Variants in NAV2 observed in about 807,000 individuals in gnomAD.
NAV2 encodes helicase, APC down-regulated 1.
A neutral mutation model predicts 223.2 loss-of-function variants in NAV2; 54 were observed. That is an observed-to-expected ratio of 0.24 (90% CI 0.19 to 0.30). The LOEUF (loss-of-function observed/expected upper bound fraction) is 0.30, where lower values mean the gene tolerates loss of function less well. NAV2 is among the 10% of genes least tolerant of loss of function. NAV2 has a pLI of 1.00. For synonymous variants in NAV2, 1,279 were observed against 1,239.3 expected, an observed-to-expected ratio of 1.03 and a Z score of -0.67; for missense variants, 2,806 against 3,147.5, an observed-to-expected ratio of 0.89 and a Z score of 2.60.
At chr11:19,520,848 G>A (rs1208478327) in intron 1 of NAV2, among the ~76,000 whole-genome samples, 2 of 152,176 alleles carry the variant, frequency 1.3e-5, no homozygotes, top group East Asian at 1.9e-4. Context: ...CAGGGGCGTG[G>A]GCCTTGGGAG....
chr11:19,713,400 C>A lies in NAV2; in HGVS notation c.-296C>A, dbSNP rs2050003327. ...TTTGCAAGAGGCGGCAGCCCCTGAG[C>A]GCCCAGAGCTCTTGAAAGGCCACCC... On this transcript the variant is annotated 5_prime_UTR_variant, in exon 1 of 38. Transcript: ENST00000349880. The surrounding 1 kb of genome is among the most constrained non-coding windows in gnomAD (Gnocchi z 7.2). 1 of 1,209,284 alleles carries A rather than the reference C, an allele frequency of 8.3e-7. No homozygotes were observed. The highest frequency in any genetic ancestry group is 3.4e-5 in the East Asian group (1 of 29,184). 74.9% of individuals were successfully genotyped at this position (1,209,284 alleles called of 1,614,324 possible).
intron 29 of NAV2, among the ~76,000 whole-genome samples, chr11:20,095,055 CAT>C (rs1191033989): frequency 5.9e-5 from 9 of 152,088 alleles, no homozygotes; most frequent in Admixed American, 2.6e-4. Flanking sequence ...CTGAGTTGCA[CAT>C]GTTTTAAGTT....
intron 17 of NAV2, among the ~76,000 whole-genome samples, chr11:20,053,271 G>A (rs1253147734): frequency 6.7e-6 from 1 of 150,332 alleles, no homozygotes; most frequent in Non-Finnish European, 1.5e-5. Flanking sequence ...GCTACTTATG[G>A]GCATAATGAA....
rs181112118 is a variant in NAV2, at chr11:19,583,720, G to T, written c.75+232693G>T. 7.2e-3 allele frequency among the ~76,000 whole-genome samples: 1,093 copies of T among 152,338 alleles called. 5 individuals carry two copies. The highest frequency in any genetic ancestry group is 0.011 in the Non-Finnish European group (767 of 68,030). The stretch of plus-strand genomic sequence containing the variant: ...TGTGGAACCAGCCTTGCATCCCAGG[G>T]ATGAAGCCCACTTGATCGTGGTGGA... On this transcript the variant is annotated intron_variant, in intron 1 of 37. Coordinates refer to the NAV2 transcript ENST00000360655.
chr11:19,753,908 A>T (rs2054037134), intron 1 of NAV2, among the ~76,000 whole-genome samples: 1 of 152,186 alleles, frequency 6.6e-6, no homozygotes, highest in Non-Finnish European at 1.5e-5. Context: ...ATTTGCTCAG[A>T]GGGAGGGTGG....
intron 1 of NAV2, among the ~76,000 whole-genome samples, chr11:19,723,973 T>C (rs1300692926): frequency 2.0e-5 from 3 of 152,198 alleles, no homozygotes; most frequent in Non-Finnish European, 4.4e-5. Flanking sequence ...AGACAAGCCT[T>C]GAAGGAAAAA....
At chr11:19,647,870 G>T (rs889246979) in intron 1 of NAV2, among the ~76,000 whole-genome samples, 1 of 152,170 alleles carries the variant, frequency 6.6e-6, no homozygotes, top group Non-Finnish European at 1.5e-5. Flanking sequence ...AGCTCCTATT[G>T]TATGCCAGGT....
intron 1 of NAV2, among the ~76,000 whole-genome samples, chr11:19,767,996 TTTACC>T (rs2055363665): frequency 1.3e-5 from 2 of 152,338 alleles, no homozygotes; most frequent in South Asian, 4.1e-4. Context: ...GAGCCTGATG[TTTACC>T]AGCTCTAAGA....
At chr11:20,076,667 G>A (rs1161828451) in intron 22 of NAV2, among the ~76,000 whole-genome samples, 1 of 152,204 alleles carries the variant, frequency 6.6e-6, no homozygotes, top group Non-Finnish European at 1.5e-5. Context: ...AAAGCTTAGT[G>A]TTAGGGCACA....
chr11:19,889,939 G>A (rs1038106852), intron 5 of NAV2, among the ~76,000 whole-genome samples: 4 of 152,174 alleles, frequency 2.6e-5, no homozygotes, highest in African/African-American at 9.7e-5. Flanking sequence ...AGTTCTCTCT[G>A]ATACTTTAAC....
intron 1 of NAV2, among the ~76,000 whole-genome samples, chr11:19,456,161 G>A (rs1463273462): frequency 6.6e-6 from 1 of 152,194 alleles, no homozygotes; most frequent in Non-Finnish European, 1.5e-5. Context: ...ATAACCGGAA[G>A]CCCCTGATTT....
At chr11:19,447,478 C>T (rs1475899726) in intron 1 of NAV2, among the ~76,000 whole-genome samples, 1 of 152,188 alleles carries the variant, frequency 6.6e-6, no homozygotes, top group Non-Finnish European at 1.5e-5. Flanking sequence ...ACGTGCTTAA[C>T]CTCAGCTTCC....
intron 7 of NAV2, 97 bp downstream of exon 7, chr11:19,934,374 C>A: frequency 7.3e-7 from 1 of 1,365,986 alleles, no homozygotes; most frequent in Non-Finnish European, 9.6e-7. Context: ...AGACTGTGCT[C>A]CAGGAATACT....
chr11:19,581,274 C>T (rs774602685), intron 1 of NAV2, among the ~76,000 whole-genome samples: 1 of 152,182 alleles, frequency 6.6e-6, no homozygotes, highest in Non-Finnish European at 1.5e-5. Context: ...ATGGCGTTGA[C>T]TTATCAATCT....
intron 6 of NAV2, among the ~76,000 whole-genome samples, chr11:19,894,112 G>A (rs1685459287): frequency 6.6e-6 from 1 of 152,152 alleles, no homozygotes; most frequent in Non-Finnish European, 1.5e-5. Flanking sequence ...AACTTTATGA[G>A]TACCTACCAT....
chr11:19,713,700 CG>C lies in NAV2; in HGVS notation c.7del (p.Ala3ProfsTer8). 1 of 1,562,080 alleles carries C rather than the reference CG, an allele frequency of 6.4e-7. No individual in the cohort carries two copies. The highest frequency in any genetic ancestry group is 8.7e-7 in the Non-Finnish European group (1 of 1,150,566). ...AAGCCCAAGCCCCGGGAGAAGATGCCGGCCATCCTGGTCGCCTCCAAAATGA... is the reference window on the plus strand; with the variant it reads ...AAGCCCAAGCCCCGGGAGAAGATGCCGCCATCCTGGTCGCCTCCAAAATGA... The part of the protein sequence containing the change: M[P>X]AILVASKMKS... On this transcript the variant is annotated frameshift_variant, in exon 1 of 38. Coordinates refer to ENST00000349880, the MANE Select transcript of NAV2 (RefSeq NM_145117.5). LOFTEE classifies it high-confidence loss of function. The surrounding 1 kb of genome is among the most constrained non-coding windows in gnomAD (Gnocchi z 7.2).
intron 36 of NAV2, among the ~76,000 whole-genome samples, chr11:20,114,158 C>T (rs1219534039): frequency 2.6e-5 from 4 of 152,186 alleles, no homozygotes; most frequent in Admixed American, 6.5e-5. Flanking sequence ...GCTGATAGCA[C>T]CTTTTTCCAA....
intron 1 of NAV2, among the ~76,000 whole-genome samples, chr11:19,625,796 C>T (rs1340712356): frequency 6.6e-6 from 1 of 152,084 alleles, no homozygotes; most frequent in African/African-American, 2.4e-5. Context: ...TCCCTGATTA[C>T]TAGTGATGTT....
intron 20 of NAV2, among the ~76,000 whole-genome samples, chr11:20,066,010 T>C (rs1280024059): frequency 6.6e-6 from 1 of 152,234 alleles, no homozygotes; most frequent in Non-Finnish European, 1.5e-5. Context: ...CCTGGACAAA[T>C]GACTGAACCT....
Sources: allele counts gnomAD v4.1 joint callset (sites outside exome capture counted in the v4.1 genomes callset), GRCh38; gene constraint gnomAD v4.1.1; non-coding constraint Gnocchi (gnomAD v3.1); transcripts MANE v1.5; gene names NCBI Gene and HGNC (gene_info 2026-07-23, HGNC 2026-07-21).